The following RYR2 variants were observed in gnomAD, a reference collection of about 807,000 sequenced individuals.
RYR2 encodes the protein cardiac muscle ryanodine receptor-calcium release channel.
In RYR2, 227 loss-of-function variants were observed where a neutral mutation model predicts 601.1. That is an observed-to-expected ratio of 0.38 (90% CI 0.34 to 0.42). The LOEUF is 0.42. RYR2 is among the 10% of genes least tolerant of loss of function. The pLI, the probability that RYR2 is intolerant of heterozygous loss-of-function variation, is 1.00. For missense variants in RYR2, 4,646 were observed against 6,156.5 expected (o/e 0.75, Z 8.21); for synonymous variants, 2,223 against 2,175.1 (o/e 1.02, Z -0.61).
At chr1:237,825,399 AAAG>A (rs960536887) in intron 101 of RYR2, among the ~76,000 whole-genome samples, 8 of 152,258 alleles carry the variant, frequency 5.3e-5, no homozygotes, top group African/African-American at 1.9e-4. Context: ...AACCTGACAA[AAAG>A]AAGCACTGGG....
chr1:237,392,221 A>G (rs1157636935), intron 10 of RYR2, among the ~76,000 whole-genome samples: 1 of 152,078 alleles, frequency 6.6e-6, no homozygotes, highest in East Asian at 1.9e-4. Flanking sequence ...TCCCTTGTCA[A>G]TCATGTTTTA....
At chr1:237,198,388 G>A (rs1366204230) in intron 1 of RYR2, among the ~76,000 whole-genome samples, 1 of 151,208 alleles carries the variant, frequency 6.6e-6, no homozygotes, top group Non-Finnish European at 1.5e-5. Context: ...ATTTTATAGC[G>A]ATTAGATTTT....
intron 2 of RYR2, among the ~76,000 whole-genome samples, chr1:237,285,349 A>T (rs182410654): frequency 6.6e-6 from 1 of 152,278 alleles, no homozygotes; most frequent in African/African-American, 2.4e-5. Context: ...TGCATATATT[A>T]AACCATCCCT....
At chr1:237,261,385 G>A (rs1485796775) in intron 1 of RYR2, among the ~76,000 whole-genome samples, 1 of 152,108 alleles carries the variant, frequency 6.6e-6, no homozygotes, top group Admixed American at 6.5e-5. Context: ...CATGGTCTGG[G>A]CCCATTATCT....
rs1377676188 is a variant in RYR2, at chr1:237,590,021, A to G, written c.3807+20A>G. On this transcript the variant is annotated intron_variant, in intron 30 of 104. Transcript: ENST00000366574. Reference sequence around the variant, plus strand: ...ATAGAGGTTTGCTTTTTCTTTAAAAATCAGGCCATTTCTAAAAAGCAGGAA... The same window carrying G: ...ATAGAGGTTTGCTTTTTCTTTAAAAGTCAGGCCATTTCTAAAAAGCAGGAA... The G allele has an allele frequency of 6.3e-7, 1 of 1,598,316 alleles. No homozygotes were observed. Among genetic ancestry groups the G allele is most frequent in the Non-Finnish European group, 8.5e-7 (1 of 1,170,600 alleles).
At chr1:237,486,410 C>G (rs768499597) in intron 17 of RYR2, among the ~76,000 whole-genome samples, 28 of 152,152 alleles carry the variant, frequency 1.8e-4, no homozygotes, top group Non-Finnish European at 3.1e-4. Context: ...CTAGTATAAA[C>G]TCTCAGTACT....
At chr1:237,071,444 G>C (rs938878541) in intron 1 of RYR2, among the ~76,000 whole-genome samples, 1 of 151,932 alleles carries the variant, frequency 6.6e-6, no homozygotes, top group Non-Finnish European at 1.5e-5. Flanking sequence ...GGCTGGTCTC[G>C]AACTCCTGAC....
At chr1:237,820,666 G>A (rs34469997) in intron 101 of RYR2, among the ~76,000 whole-genome samples, 3,391 of 152,284 alleles carry the variant, frequency 0.022, 53 homozygotes, top group Non-Finnish European at 0.034. Flanking sequence ...GGATGCCAGC[G>A]AGACAGAACC....
intron 41 of RYR2, among the ~76,000 whole-genome samples, chr1:237,630,742 G>A (rs1441630216): frequency 2.6e-5 from 4 of 152,074 alleles, no homozygotes; most frequent in Non-Finnish European, 4.4e-5. Context: ...TGACCCTTAG[G>A]AATACCTTGA....
chr1:237,461,036 T>G (rs984542212), intron 16 of RYR2, among the ~76,000 whole-genome samples: 2 of 152,182 alleles, frequency 1.3e-5, no homozygotes, highest in African/African-American at 4.8e-5. Flanking sequence ...TTACTTAGAT[T>G]TGTTGGATAT....
intron 79 of RYR2, among the ~76,000 whole-genome samples, chr1:237,741,392 C>T (rs1387419542): frequency 6.6e-6 from 1 of 151,966 alleles, no homozygotes; most frequent in Non-Finnish European, 1.5e-5. Flanking sequence ...CATTATCTGC[C>T]TTCATACACC....
At chr1:237,172,289 T>C (rs1296666996) in intron 1 of RYR2, among the ~76,000 whole-genome samples, 2 of 152,138 alleles carry the variant, frequency 1.3e-5, no homozygotes, top group Non-Finnish European at 2.9e-5. Context: ...TAGGCTTGGA[T>C]CCAGACAGAC....
chr1:237,104,922 C>A (rs978854243), intron 1 of RYR2, among the ~76,000 whole-genome samples: 1 of 152,200 alleles, frequency 6.6e-6, no homozygotes, highest in Non-Finnish European at 1.5e-5. Context: ...GATGAGTTTG[C>A]CACATTCCCT....
chr1:237,587,021 A>G (rs190362909), intron 29 of RYR2, among the ~76,000 whole-genome samples: 1 of 152,190 alleles, frequency 6.6e-6, no homozygotes. Context: ...AGCCAGTATA[A>G]CTTCTTTACT....
rs1362012012 is a variant in RYR2 at position 237,631,534 on chromosome 1, A to T, written c.6548A>T (p.Glu2183Val). ...EVMVNVLGGG[E>V]SKEITFPKMV... is the part of the protein sequence containing the mutation. ...ATGGTGAACGTCCTTGGAGGTGGAG[A>T]GTCCAAGGTAACGTCTTTGATTCCT... The change falls in exon 42 of 105, where the codon GAG becomes GTG. Residue 2183 changes from glutamate (E) to valine (V), a missense_variant. Physicochemically the swap from Glu to Val is moderately radical, Grantham distance 121. Transcript: ENST00000366574. 6.3e-7 allele frequency: 1 copy of T among 1,580,416 alleles called. No individual in the cohort carries two copies. Among genetic ancestry groups the T allele is most frequent in the East Asian group, 2.3e-5 (1 of 43,478 alleles).
chr1:237,450,116 G>T (rs182805152), intron 14 of RYR2, among the ~76,000 whole-genome samples: 1 of 152,068 alleles, frequency 6.6e-6, no homozygotes, highest in Non-Finnish European at 1.5e-5. Context: ...GCTGTTTTAG[G>T]TTCTGTGTGA....
At chr1:237,062,633 C>T (rs1644921132) in intron 1 of RYR2, among the ~76,000 whole-genome samples, 1 of 152,054 alleles carries the variant, frequency 6.6e-6, no homozygotes, top group Non-Finnish European at 1.5e-5. Flanking sequence ...TTTGGATTTT[C>T]TATATGCCCA....
At chr1:237,121,613 G>T (rs1229365310) in intron 1 of RYR2, among the ~76,000 whole-genome samples, 2 of 152,184 alleles carry the variant, frequency 1.3e-5, no homozygotes, top group Admixed American at 1.3e-4. Flanking sequence ...GAGCTGTAGA[G>T]AAAGAGGGAG....
intron 1 of RYR2, among the ~76,000 whole-genome samples, chr1:237,114,417 C>T (rs1669832436): frequency 1.3e-5 from 2 of 152,144 alleles, no homozygotes; most frequent in Non-Finnish European, 2.9e-5. Flanking sequence ...ATGAAATGGA[C>T]ATGACATCTT....
Sources: allele counts gnomAD v4.1 joint callset (sites outside exome capture counted in the v4.1 genomes callset), GRCh38; gene constraint gnomAD v4.1.1; transcripts MANE v1.5; gene names NCBI Gene and HGNC (gene_info 2026-07-23, HGNC 2026-07-21).